The following TRHDE variants were observed in gnomAD, a reference collection of about 807,000 sequenced individuals.
The protein encoded by TRHDE is thyrotropin-releasing hormone-degrading ectoenzyme.
TRHDE carries 72 observed loss-of-function variants against 125.7 expected under a neutral mutation model. The ratio of observed to expected loss-of-function variants is 0.57; its 90% CI spans 0.47 to 0.70. TRHDE has a LOEUF of 0.70. TRHDE is among the 30% of genes least tolerant of loss of function. The pLI is 0.00. For synonymous variants in TRHDE, 509 were observed against 509.1 expected (o/e 1.00, Z 0.00); for missense variants, 1,110 against 1,327.1 (o/e 0.84, Z 2.54).
At chr12:72,118,131 C>T (rs1002014140) in intron 2 of TRHDE, among the ~76,000 whole-genome samples, 2 of 152,044 alleles carry the variant, frequency 1.3e-5, no homozygotes, top group Non-Finnish European at 2.9e-5. Context: ...AAGTGGGCAT[C>T]CTTGTCTTGT....
chr12:72,565,827 G>A (rs1870415531), intron 9 of TRHDE, among the ~76,000 whole-genome samples: 1 of 152,038 alleles, frequency 6.6e-6, no homozygotes, highest in Non-Finnish European at 1.5e-5. Flanking sequence ...ACTGATAAGA[G>A]AGGCAGTCCC....
chr12:72,183,262 A>C (rs1362659983), intron 2 of TRHDE, among the ~76,000 whole-genome samples: 1 of 152,176 alleles, frequency 6.6e-6, no homozygotes, highest in Non-Finnish European at 1.5e-5. Context: ...TGAAAGGCTG[A>C]TTTGTTGTAA....
chr12:72,594,274 G>A (rs1391911078), intron 12 of TRHDE, among the ~76,000 whole-genome samples: 1 of 151,996 alleles, frequency 6.6e-6, no homozygotes, highest in South Asian at 2.1e-4. Context: ...GTGATGATGA[G>A]CATTTTTTCA....
At chr12:72,237,048 G>C (rs1164490186) in intron 2 of TRHDE, among the ~76,000 whole-genome samples, 1 of 152,112 alleles carries the variant, frequency 6.6e-6, no homozygotes. Flanking sequence ...ATGGGAAAGA[G>C]CTATTCTCTA....
At chr12:72,146,130 T>A (rs184181772) in intron 2 of TRHDE, among the ~76,000 whole-genome samples, 2 of 152,216 alleles carry the variant, frequency 1.3e-5, no homozygotes, top group African/African-American at 2.4e-5. Flanking sequence ...AGTGATCTCC[T>A]TGAGGAAAGT....
chr12:72,551,502 C>G (rs1396193776), intron 7 of TRHDE, among the ~76,000 whole-genome samples: 2 of 152,076 alleles, frequency 1.3e-5, no homozygotes, highest in Non-Finnish European at 2.9e-5. Context: ...ATGTTTTGTG[C>G]TAACAAAACA....
Position 72,336,900 on chromosome 12 carries a change from G to C in TRHDE, c.1189-41095G>C, listed in dbSNP as rs533245931. On this transcript the variant is annotated intron_variant, in intron 2 of 18. Transcript: ENST00000261180. ...CCCAAAACTGCTGCATGAACTTTGG[G>C]GGACACATTCAAACCATAGCACTAC... 2.0e-5 allele frequency among the ~76,000 whole-genome samples: 3 copies of C among 152,248 alleles called. No individual in the cohort carries two copies. The South Asian group carries it at 6.2e-4, about 32-fold the overall frequency.
At chr12:72,556,096 G>A (rs542278792) in intron 7 of TRHDE, among the ~76,000 whole-genome samples, 27 of 152,140 alleles carry the variant, frequency 1.8e-4, no homozygotes, top group Middle Eastern at 3.4e-3. Flanking sequence ...TGTCTTTCAC[G>A]CCATATCTAC....
intron 2 of TRHDE, among the ~76,000 whole-genome samples, chr12:72,317,058 G>A (rs2135705922): frequency 6.6e-6 from 1 of 152,250 alleles, no homozygotes; most frequent in Admixed American, 6.5e-5. Context: ...ACTATATTAG[G>A]AACTTTTAGT....
At chr12:72,468,042 G>C (rs1876467683) in intron 3 of TRHDE, among the ~76,000 whole-genome samples, 1 of 152,118 alleles carries the variant, frequency 6.6e-6, no homozygotes, top group Admixed American at 6.5e-5. Context: ...TTAATTCACT[G>C]TGTGACTGTC....
intron 6 of TRHDE, among the ~76,000 whole-genome samples, chr12:72,512,246 A>G (rs1878609172): frequency 6.6e-6 from 1 of 151,712 alleles, no homozygotes; most frequent in South Asian, 2.1e-4. Flanking sequence ...TTCTACAGCT[A>G]CAGTTGTTCT....
intron 2 of TRHDE, among the ~76,000 whole-genome samples, chr12:72,191,407 T>A (rs1877336842): frequency 6.6e-6 from 1 of 152,198 alleles, no homozygotes; most frequent in South Asian, 2.1e-4. Context: ...ACAGCCCTTC[T>A]AAAGACTGTC....
At chr12:72,119,874 AAT>A (rs1283950398) in intron 2 of TRHDE, among the ~76,000 whole-genome samples, 1 of 152,038 alleles carries the variant, frequency 6.6e-6, no homozygotes, top group Non-Finnish European at 1.5e-5. Context: ...ATTGTCATGG[AAT>A]ATGTTTTTCC....
At chr12:72,309,806 T>C (rs1163203410) in intron 2 of TRHDE, 1 of 152,110 alleles carries the variant, frequency 6.6e-6, no homozygotes, top group African/African-American at 2.4e-5. Context: ...GGAAGTTGAA[T>C]GCTTGTAATA....
At chr12:72,428,707 C>T (rs1874295062) in intron 3 of TRHDE, among the ~76,000 whole-genome samples, 1 of 152,032 alleles carries the variant, frequency 6.6e-6, no homozygotes, top group African/African-American at 2.4e-5. Context: ...TAGTCATCGC[C>T]AGCAGAATTT....
intron 12 of TRHDE, among the ~76,000 whole-genome samples, chr12:72,608,268 A>G (rs867274079): frequency 3.1e-4 from 47 of 152,236 alleles, no homozygotes; most frequent in African/African-American, 1.1e-3. Flanking sequence ...CAGAGCCTTA[A>G]TTCTTGCCTT....
At chr12:72,558,156 G>A (rs1873349) in intron 7 of TRHDE, among the ~76,000 whole-genome samples, 40,293 of 151,968 alleles carry the variant, frequency 0.27, 8,048 homozygotes, top group African/African-American at 0.54. Context: ...GATTTTACAG[G>A]CTGTGTGAAC....
chr12:72,119,933 T>G (rs1181766001), intron 2 of TRHDE, among the ~76,000 whole-genome samples: 6 of 152,164 alleles, frequency 3.9e-5, no homozygotes, highest in African/African-American at 1.4e-4. Flanking sequence ...TGAAGTATGT[T>G]TCTTGTAGGC....
intron 5 of TRHDE, among the ~76,000 whole-genome samples, chr12:72,490,604 T>TAC (rs56752236): frequency 0.028 from 4,111 of 148,194 alleles, 86 homozygotes; most frequent in Non-Finnish European, 0.028. Flanking sequence ...TGTGTATAAA[T>TAC]ACACACACAC....
Sources: gnomAD v4.1 joint callset for allele counts (sites outside exome capture counted in the v4.1 genomes callset) on GRCh38, gnomAD v4.1.1 for gene constraint, MANE v1.5 for transcripts, NCBI Gene and HGNC (gene_info 2026-07-23, HGNC 2026-07-21) for gene names.